TSC22D1: variants seen among roughly 807,000 people sequenced by gnomAD.
The protein encoded by TSC22D1 is TSC22 domain family member 1.
A neutral mutation model predicts 74.2 loss-of-function variants in TSC22D1; 9 were observed. The ratio of observed to expected loss-of-function variants is 0.12; its 90% confidence interval spans 0.07 to 0.21. The LOEUF is 0.21. Among genes scored for constraint, TSC22D1 ranks in the 10% least tolerant of loss-of-function variants. The pLI is 1.00. For synonymous variants in TSC22D1, 586 were observed against 492.5 expected (o/e 1.19, Z -2.51); for missense variants, 1,427 against 1,304.7 (o/e 1.09, Z -1.44).
Position 44,476,699 on chromosome 13 carries a change from C to G in TSC22D1, c.2913-40604G>C, listed in dbSNP as rs151080663. 3.3e-5 allele frequency among the ~76,000 whole-genome samples: 5 copies of G among 152,272 alleles called. No individual in the cohort carries two copies. The East Asian group carries it at 9.6e-4, about 29-fold the overall frequency. ...TTATATTTTCTTTTTCTTTTAGAGA[C>G]AGGGTCTTGCTGTGTCACTCAGGCT... On this transcript the variant is annotated intron_variant, in intron 1 of 2. Coordinates refer to ENST00000458659, the MANE Select transcript of TSC22D1 (RefSeq NM_183422.4).
chr13:44,558,873 T>C (rs1882859659), intron 1 of TSC22D1, among the ~76,000 whole-genome samples: 1 of 152,220 alleles, frequency 6.6e-6, no homozygotes, highest in African/African-American at 2.4e-5. Flanking sequence ...CGCTAAGTTA[T>C]CTAGGGTGAA....
chr13:44,443,725 A>G (rs989796803), intron 1 of TSC22D1, among the ~76,000 whole-genome samples: 1 of 152,212 alleles, frequency 6.6e-6, no homozygotes, highest in Non-Finnish European at 1.5e-5. Flanking sequence ...ATAACAATGT[A>G]CTGGAATGTA....
chr13:44,468,578 T>C (rs999880324), intron 1 of TSC22D1, among the ~76,000 whole-genome samples: 11 of 149,782 alleles, frequency 7.3e-5, no homozygotes, highest in Non-Finnish European at 1.5e-4. Context: ...TTCTGCATTA[T>C]TTAAGATACC....
chr13:44,574,155 C>A lies in TSC22D1; in HGVS notation c.1920G>T (p.Met640Ile). 3 of 1,614,216 alleles carry A rather than the reference C, an allele frequency of 1.9e-6. No homozygotes were observed. The highest frequency in any genetic ancestry group is 2.5e-6 in the Non-Finnish European group (3 of 1,180,010). Residue 640 changes from methionine to isoleucine, a missense_variant, in exon 1 of 3, where the codon ATG (methionine) becomes ATT (isoleucine). By Grantham distance (10) the Met-to-Ile change is conservative. This residue lies in a region of TSC22D1 where 1,343 missense variants were observed against 1,191.5 expected (regional missense o/e 1.13). Coordinates refer to ENST00000458659, the MANE Select transcript of TSC22D1 (RefSeq NM_183422.4). ...TCACTGATTTGACATGGCCTGGGGC[C>A]ATCTGTGTAGAAACCATTGGTTGCT... ...GQQQPMVSTQ[M>I]APGHVKSVTQ...
intron 1 of TSC22D1, among the ~76,000 whole-genome samples, chr13:44,552,660 C>G (rs1276788128): frequency 6.6e-6 from 1 of 152,188 alleles, no homozygotes; most frequent in East Asian, 1.9e-4. Context: ...AATAATTATA[C>G]TTTTATTTCT....
intron 1 of TSC22D1, among the ~76,000 whole-genome samples, chr13:44,454,667 G>A (rs991243684): frequency 2.4e-4 from 37 of 152,110 alleles, no homozygotes; most frequent in African/African-American, 8.0e-4. Flanking sequence ...CTTACTACTT[G>A]TCAGTCCCTA....
At chr13:44,514,372 TA>T (rs889152990) in intron 1 of TSC22D1, among the ~76,000 whole-genome samples, 1 of 150,294 alleles carries the variant, frequency 6.7e-6, no homozygotes, top group Non-Finnish European at 1.5e-5. Flanking sequence ...TTTGACTACA[TA>T]AAAAAAACCT....
intron 2 of TSC22D1, 67 bp from the exon 3 acceptor site, chr13:44,434,950 G>T: frequency 1.4e-6 from 2 of 1,396,152 alleles, no homozygotes; most frequent in Middle Eastern, 2.3e-4. Context: ...GAGTTTCCAA[G>T]ACATTATTTT....
chr13:44,455,536 C>T (rs982510892), intron 1 of TSC22D1, among the ~76,000 whole-genome samples: 8 of 152,194 alleles, frequency 5.3e-5, no homozygotes, highest in Non-Finnish European at 7.3e-5. Context: ...AAACTAGTTT[C>T]TTCAAGAATT....
chr13:44,531,833 C>T (rs2138065975), intron 1 of TSC22D1, among the ~76,000 whole-genome samples: 1 of 152,296 alleles, frequency 6.6e-6, no homozygotes, highest in African/African-American at 2.4e-5. Flanking sequence ...TTTCAATATG[C>T]AACACAAGAC....
Position 44,434,403 on chromosome 13 carries a change from C to T in TSC22D1, c.*223G>A, listed in dbSNP as rs1431399365. The T allele has an allele frequency of 4.1e-5, 56 of 1,363,226 alleles. No homozygotes were observed. Among genetic ancestry groups the T allele is most frequent in the Non-Finnish European group, 5.2e-5 (55 of 1,066,814 alleles). The allele number at this position is 1,363,226 out of a possible 1,614,324, so 84.4% of individuals were successfully genotyped here. ...TGCATGAGGTCCCGGTATATCCATG[C>T]TAATTCTCGGATTAACCTTTAATTC... On this transcript the variant is annotated 3_prime_UTR_variant, in exon 3 of 3. Transcript: ENST00000458659.
At chr13:44,512,162 TTTGTTTTC>T (rs1308053462) in intron 1 of TSC22D1, among the ~76,000 whole-genome samples, 10 of 152,064 alleles carry the variant, frequency 6.6e-5, no homozygotes, top group Middle Eastern at 6.8e-3. Context: ...TTTTTGTTTG[TTTGTTTTC>T]TTTTTTTGTT....
At chr13:44,546,695 T>C (rs1205625783) in intron 1 of TSC22D1, among the ~76,000 whole-genome samples, 2 of 151,832 alleles carry the variant, frequency 1.3e-5, no homozygotes, top group African/African-American at 4.8e-5. Context: ...TTATACATGA[T>C]ACAAACATTA....
intron 1 of TSC22D1, among the ~76,000 whole-genome samples, chr13:44,455,701 A>G (rs1408243231): frequency 6.6e-6 from 1 of 152,190 alleles, no homozygotes; most frequent in African/African-American, 2.4e-5. Flanking sequence ...AGTTTCAAGA[A>G]GCCATGAGAA....
chr13:44,531,279 TAA>T (rs1244608132), intron 1 of TSC22D1, among the ~76,000 whole-genome samples: 2 of 152,164 alleles, frequency 1.3e-5, no homozygotes, highest in East Asian at 1.9e-4. Context: ...TGCTCTTTTT[TAA>T]AAGTCTATTA....
chr13:44,435,747 T>TA, intron 2 of TSC22D1: 1 of 459,630 alleles, frequency 2.2e-6, no homozygotes, highest in Non-Finnish European at 4.0e-6. Context: ...CCGAAGGAGA[T>TA]AGTTGGCCAG....
chr13:44,555,860 G>GA (rs1370414730), intron 1 of TSC22D1, among the ~76,000 whole-genome samples: 1 of 151,472 alleles, frequency 6.6e-6, no homozygotes, highest in South Asian at 2.1e-4. Context: ...CTAACAAAAT[G>GA]AAAAAAAATT....
At chr13:44,457,778 T>C (rs1711975203) in intron 1 of TSC22D1, among the ~76,000 whole-genome samples, 1 of 152,216 alleles carries the variant, frequency 6.6e-6, no homozygotes, top group African/African-American at 2.4e-5. Flanking sequence ...TTCAAAAATC[T>C]CTATGATTTC....
Position 44,472,884 on chromosome 13 carries a change from A to G in TSC22D1, c.2913-36789T>C, listed in dbSNP as rs116210148. ...TCTAATTGTACAACTGCAGTAGTCC[A>G]TTTTCATGCTGTGGATAAAGACCTG... On this transcript the variant is annotated intron_variant, in intron 1 of 2. Transcript: ENST00000458659. Among the ~76,000 whole-genome samples the G allele has an allele frequency of 3.3e-3, 503 of 152,304 alleles. 3 individuals carry two copies. The highest frequency in any genetic ancestry group is 0.012 in the African/African-American group (481 of 41,562).
Sources: gnomAD v4.1 joint callset for allele counts (sites outside exome capture counted in the v4.1 genomes callset) on GRCh38, gnomAD v4.1.1 for gene constraint, gnomAD v4.1.1 regional missense constraint, MANE v1.5 for transcripts, NCBI Gene and HGNC (gene_info 2026-07-23, HGNC 2026-07-21) for gene names.